Variants in ARB2A observed in about 807,000 individuals in gnomAD.
ARB2A encodes cotranscriptional regulator ARB2A.
At chr5:93,731,288 C>A in the ARB2A span, among the ~76,000 whole-genome samples, 6 of 152,066 alleles carry the variant, frequency 3.9e-5, no homozygotes, top group Admixed American at 2.0e-4. Flanking sequence ...AATGCAATAT[C>A]ACTCACAAAA....
the ARB2A span, among the ~76,000 whole-genome samples, chr5:93,925,845 G>T: frequency 2.0e-5 from 3 of 152,162 alleles, no homozygotes; most frequent in African/African-American, 7.2e-5. Context: ...ATTTGAGGAA[G>T]AGGTCTATTT....
At chr5:94,074,815 C>A in the ARB2A span, 2 of 1,322,156 alleles carry the variant, frequency 1.5e-6, no homozygotes, top group South Asian at 1.3e-5. Context: ...CAAAACCTAT[C>A]TATTCCACGA....
chr5:93,740,483 A>T, the ARB2A span: 1 of 1,326,172 alleles, frequency 7.5e-7, no homozygotes, highest in Non-Finnish European at 1.0e-6. Context: ...AGAAATTAAT[A>T]CTAAAAGCCC....
the ARB2A span, among the ~76,000 whole-genome samples, chr5:93,989,340 T>A: frequency 6.6e-6 from 1 of 152,162 alleles, no homozygotes; most frequent in Admixed American, 6.5e-5. Context: ...TATGAGAACA[T>A]ATGTGATTTC....
At chr5:94,053,893 C>T in the ARB2A span, among the ~76,000 whole-genome samples, 4 of 152,122 alleles carry the variant, frequency 2.6e-5, no homozygotes, top group African/African-American at 7.2e-5. Context: ...CTCAGCCTTC[C>T]GAGTAGCTGG....
At chr5:93,736,635 T>C in the ARB2A span, 3 of 152,186 alleles carry the variant, frequency 2.0e-5, no homozygotes, top group Non-Finnish European at 2.9e-5. Context: ...GCAATGGTGA[T>C]GGTAGTACTG....
the ARB2A span, chr5:94,053,119 C>T: frequency 8.4e-7 from 1 of 1,197,424 alleles, no homozygotes; most frequent in Non-Finnish European, 1.2e-6. Flanking sequence ...ATAGATAACC[C>T]ACTTACTTTC....
chr5:93,842,287 T>C, the ARB2A span, among the ~76,000 whole-genome samples: 1 of 152,204 alleles, frequency 6.6e-6, no homozygotes, highest in Non-Finnish European at 1.5e-5. Context: ...AACACAGTCA[T>C]GTACACTTGT....
the ARB2A span, among the ~76,000 whole-genome samples, chr5:93,887,829 T>C: frequency 6.6e-6 from 1 of 151,966 alleles, no homozygotes; most frequent in Admixed American, 6.6e-5. Context: ...TCTTTGTTAA[T>C]CTCATTTTGA....
chr5:93,950,676 T>C, the ARB2A span, among the ~76,000 whole-genome samples: 18 of 150,732 alleles, frequency 1.2e-4, no homozygotes, highest in Admixed American at 4.6e-4. Flanking sequence ...CCAGGCACAG[T>C]GGCTCACGCT....
the ARB2A span, among the ~76,000 whole-genome samples, chr5:93,896,862 A>C: frequency 6.6e-6 from 1 of 152,068 alleles, no homozygotes; most frequent in African/African-American, 2.4e-5. Context: ...TAAATTGAAC[A>C]ATACAATAAA....
chr5:93,986,425 G>A, the ARB2A span, among the ~76,000 whole-genome samples: 1 of 146,046 alleles, frequency 6.8e-6, no homozygotes, highest in Non-Finnish European at 1.5e-5. Flanking sequence ...CTGCCCGGCT[G>A]CCCCATCTGG....
the ARB2A span, among the ~76,000 whole-genome samples, chr5:93,833,543 T>A: frequency 6.9e-4 from 105 of 152,364 alleles, no homozygotes; most frequent in Non-Finnish European, 1.4e-3. Flanking sequence ...TGATATGTAG[T>A]GTAATTTTTA....
the ARB2A span, among the ~76,000 whole-genome samples, chr5:93,990,620 TAAAAAAAA>T: frequency 5.3e-5 from 4 of 75,250 alleles, no homozygotes; most frequent in Non-Finnish European, 6.9e-5. Flanking sequence ...CTACCATGAG[TAAAAAAAA>T]AAAAAAAAAA....
chr5:93,949,251 G>C, the ARB2A span, among the ~76,000 whole-genome samples: 1 of 151,824 alleles, frequency 6.6e-6, no homozygotes, highest in South Asian at 2.1e-4. Flanking sequence ...TACATCAGGC[G>C]TGAGCCACTT....
chr5:93,901,067 C>T, the ARB2A span, among the ~76,000 whole-genome samples: 4 of 152,158 alleles, frequency 2.6e-5, no homozygotes, highest in Non-Finnish European at 5.9e-5. Context: ...CATTCTTCCT[C>T]TAACCTAATA....
chr5:94,099,086 C>A, the ARB2A span, among the ~76,000 whole-genome samples: 1 of 152,114 alleles, frequency 6.6e-6, no homozygotes, highest in African/African-American at 2.4e-5. Context: ...AGAAACTATT[C>A]CAAAAAATTG....
the ARB2A span, among the ~76,000 whole-genome samples, chr5:93,978,854 G>A: frequency 9.2e-5 from 14 of 152,086 alleles, no homozygotes; most frequent in African/African-American, 2.4e-4. Flanking sequence ...TGGCTGGAAC[G>A]GGTGGGGTGG....
At chr5:93,949,733 T>C in the ARB2A span, among the ~76,000 whole-genome samples, 6 of 152,066 alleles carry the variant, frequency 3.9e-5, no homozygotes, top group African/African-American at 7.2e-5. Flanking sequence ...AAATACAAGA[T>C]CTTACTCAGT....
Sources: gnomAD v4.1 joint callset for allele counts (sites outside exome capture counted in the v4.1 genomes callset) on GRCh38, gnomAD v4.1.1 for gene constraint, MANE v1.5 for transcripts, NCBI Gene and HGNC (gene_info 2026-07-23, HGNC 2026-07-21) for gene names.